The following TSPAN18 variants were observed in gnomAD, a reference collection of about 807,000 sequenced individuals.
The protein encoded by TSPAN18 is tetraspanin 18, also known as tetraspanin-18.
A neutral mutation model predicts 27.3 loss-of-function variants in TSPAN18; 14 were observed. The ratio of observed to expected loss-of-function variants is 0.51; its 90% CI spans 0.34 to 0.80. The LOEUF (loss-of-function observed/expected upper bound fraction) is 0.80, where lower values mean the gene tolerates loss of function less well. Ranked by LOEUF, TSPAN18 falls within the 30% of genes least tolerant of loss-of-function variation. The pLI is 0.01. For missense variants in TSPAN18, 268 were observed against 323.9 expected (o/e 0.83, Z 1.32); for synonymous variants, 143 against 136.5 (o/e 1.05, Z -0.33).
intron 1 of TSPAN18, among the ~76,000 whole-genome samples, chr11:44,743,796 A>C (rs1307321476): frequency 2.0e-5 from 3 of 152,204 alleles, no homozygotes; most frequent in African/African-American, 7.2e-5. Flanking sequence ...TTGGGCCCAG[A>C]GCTCCATAGA....
chr11:44,751,938 A>AC (rs1333328648), intron 1 of TSPAN18, among the ~76,000 whole-genome samples: 1 of 152,114 alleles, frequency 6.6e-6, no homozygotes, highest in Non-Finnish European at 1.5e-5. Context: ...AAAAAAAAAA[A>AC]AAGAAGTCAT....
chr11:44,845,744 A>G (rs1327964842), intron 2 of TSPAN18, among the ~76,000 whole-genome samples: 3 of 152,224 alleles, frequency 2.0e-5, no homozygotes, highest in Non-Finnish European at 2.9e-5. Context: ...CTGATCCCAG[A>G]TCCCAGACCT....
intron 1 of TSPAN18, among the ~76,000 whole-genome samples, chr11:44,739,711 T>TA (rs1488670930): frequency 6.6e-6 from 1 of 152,076 alleles, no homozygotes; most frequent in African/African-American, 2.4e-5. Context: ...AATATGGAAA[T>TA]AAAACAAAAG....
intron 3 of TSPAN18, among the ~76,000 whole-genome samples, chr11:44,883,965 G>A (rs1441460251): frequency 5.3e-5 from 8 of 151,776 alleles, no homozygotes; most frequent in African/African-American, 1.5e-4. Flanking sequence ...ATTTACAACC[G>A]TTTCTGGCAC....
intron 3 of TSPAN18, among the ~76,000 whole-genome samples, chr11:44,862,076 G>T (rs947825485): frequency 5.9e-5 from 9 of 151,834 alleles, no homozygotes; most frequent in African/African-American, 1.7e-4. Context: ...GGTTTTTTGC[G>T]CTAAATGGGC....
intron 2 of TSPAN18, among the ~76,000 whole-genome samples, chr11:44,769,761 AT>A (rs1855649285): frequency 1.3e-5 from 2 of 152,208 alleles, no homozygotes; most frequent in Admixed American, 1.3e-4. Context: ...CTGTAGTGAT[AT>A]CCCCTTTTTC....
Position 44,930,529 on chromosome 11 carries a change from GTC to G in TSPAN18, c.*1355_*1356del. The G allele has an allele frequency of 3.8e-6, 1 of 259,756 alleles. No homozygotes were observed. The highest frequency in any genetic ancestry group is 7.7e-6 in the Non-Finnish European group (1 of 130,468). The allele number at this position is 259,756 out of a possible 1,614,324, so 16.1% of individuals were successfully genotyped here. ...CATTTCTGCTGCAACAAGGTTTCCT[GTC>G]TCTTCACTGTCCGCACATTTCTTAG... On this transcript the variant is annotated 3_prime_UTR_variant, in exon 10 of 10. Transcript: ENST00000520358.
chr11:44,767,762 T>C (rs1855603080), intron 2 of TSPAN18, among the ~76,000 whole-genome samples: 1 of 152,248 alleles, frequency 6.6e-6, no homozygotes, highest in Non-Finnish European at 1.5e-5. Context: ...TAGATTCTTT[T>C]TGAGTTAATT....
At chr11:44,809,627 G>A (rs1856672767) in intron 2 of TSPAN18, among the ~76,000 whole-genome samples, 1 of 116,052 alleles carries the variant, frequency 8.6e-6, no homozygotes, top group Non-Finnish European at 2.2e-5. Context: ...GTGGGTGCTT[G>A]GAGTGTGTAT....
chr11:44,877,826 T>C (rs934294197), intron 3 of TSPAN18, among the ~76,000 whole-genome samples: 3 of 152,050 alleles, frequency 2.0e-5, no homozygotes, highest in African/African-American at 7.2e-5. Flanking sequence ...TGTCTTTGTT[T>C]GCATTCTTAA....
chr11:44,828,150 A>G (rs1857082356), intron 2 of TSPAN18, among the ~76,000 whole-genome samples: 1 of 152,140 alleles, frequency 6.6e-6, no homozygotes, highest in Non-Finnish European at 1.5e-5. Flanking sequence ...GCCACAAGGT[A>G]GAGGCTGGGG....
chr11:44,732,931 C>T (rs1197246814), intron 1 of TSPAN18, among the ~76,000 whole-genome samples: 2 of 152,182 alleles, frequency 1.3e-5, no homozygotes, highest in Non-Finnish European at 2.9e-5. Flanking sequence ...CACGGTCACT[C>T]AGGGACCCAG....
chr11:44,741,052 C>G (rs1274214708), intron 1 of TSPAN18, among the ~76,000 whole-genome samples: 1 of 152,184 alleles, frequency 6.6e-6, no homozygotes, highest in Non-Finnish European at 1.5e-5. Context: ...AACTCCAGAG[C>G]CTCTGGGTCT....
At chr11:44,792,878 G>C (rs964851421) in intron 2 of TSPAN18, among the ~76,000 whole-genome samples, 1 of 152,178 alleles carries the variant, frequency 6.6e-6, no homozygotes, top group African/African-American at 2.4e-5. Flanking sequence ...GGAAATCCAG[G>C]GTTTGCAGGA....
intron 2 of TSPAN18, among the ~76,000 whole-genome samples, chr11:44,796,749 C>T (rs547939554): frequency 5.3e-5 from 8 of 152,224 alleles, no homozygotes; most frequent in African/African-American, 1.2e-4. Context: ...GCCTACCCAC[C>T]CTCTGTCTGT....
chr11:44,808,546 C>T (rs755466843), intron 2 of TSPAN18, among the ~76,000 whole-genome samples: 9 of 152,254 alleles, frequency 5.9e-5, no homozygotes, highest in African/African-American at 1.2e-4. Flanking sequence ...TTCTCTGCAG[C>T]ATAGGAGTGA....
At chr11:44,762,680 C>T (rs1855480777) in intron 1 of TSPAN18, among the ~76,000 whole-genome samples, 1 of 152,016 alleles carries the variant, frequency 6.6e-6, no homozygotes, top group Non-Finnish European at 1.5e-5. Flanking sequence ...ACAAATTCCT[C>T]TGATTGTAGC....
rs1590671474 is a variant in TSPAN18, at chr11:44,908,831, A to AAAGAAAGAAAG, written c.64-873_64-872insAGAAAGAAAGA. ...AGAAAGAAAGAAAGAAAGAAAGAAA[A>AAAGAAAGAAAG]AGAAAAATGGAGCAGATATTTATTG... On this transcript the variant is annotated intron_variant, in intron 4 of 9. Coordinates refer to ENST00000520358, the MANE Select transcript of TSPAN18 (RefSeq NM_130783.5). Among the ~76,000 whole-genome samples, 173 of 96,232 alleles carry AAAGAAAGAAAG rather than the reference A, an allele frequency of 1.8e-3. 33 individuals are homozygous for AAAGAAAGAAAG. Among genetic ancestry groups the AAAGAAAGAAAG allele is most frequent in the African/African-American group, 5.8e-3 (138 of 23,800 alleles). The allele number at this position is 96,232 out of a possible 152,430, so 63.1% of individuals were successfully genotyped here.
At chr11:44,898,735 C>G (rs1482266774) in intron 3 of TSPAN18, among the ~76,000 whole-genome samples, 2 of 152,232 alleles carry the variant, frequency 1.3e-5, no homozygotes, top group Non-Finnish European at 2.9e-5. Context: ...GACCAACCCA[C>G]TCCTGTGATA....
Sources: allele counts gnomAD v4.1 joint callset (sites outside exome capture counted in the v4.1 genomes callset), GRCh38; gene constraint gnomAD v4.1.1; transcripts MANE v1.5; gene names NCBI Gene and HGNC (gene_info 2026-07-23, HGNC 2026-07-21).